SERBP1: variants seen among roughly 807,000 people sequenced by gnomAD.
The protein encoded by SERBP1 is SERPINE1 mRNA-binding protein 1.
SERBP1 carries 6 observed loss-of-function variants against 50.2 expected under a neutral mutation model. That is an observed-to-expected ratio of 0.12 (90% CI 0.07 to 0.24). SERBP1 has a LOEUF of 0.24. Ranked by LOEUF, SERBP1 falls within the 10% of genes least tolerant of loss-of-function variation. SERBP1 has a pLI of 1.00. For missense variants in SERBP1, 346 were observed against 524.9 expected, an observed-to-expected ratio of 0.66 and a Z score of 3.33; for synonymous variants, 168 against 182.8, an observed-to-expected ratio of 0.92 and a Z score of 0.65.
rs1023716297 is a variant in SERBP1 at position 67,407,840 on chromosome 1, C to T, written c.*5367G>A. Reference sequence around the variant, plus strand: ...AAAATAAAACAAAAATTTACTTGGACGTTATTCATTGGCTAATAGAACATT... The same window carrying T: ...AAAATAAAACAAAAATTTACTTGGATGTTATTCATTGGCTAATAGAACATT... On this transcript the variant is annotated 3_prime_UTR_variant, in exon 8 of 8. Coordinates refer to ENST00000361219, the MANE Select transcript of SERBP1 (RefSeq NM_001018069.2). 34 of 152,284 alleles carry T rather than the reference C, an allele frequency of 2.2e-4. No homozygotes were observed. Among genetic ancestry groups the T allele is most frequent in the Admixed American group, 1.8e-3 (27 of 15,290 alleles). The allele number at this position is 152,284 out of a possible 1,614,324, so 9.4% of individuals were successfully genotyped here. A position where few individuals can be genotyped will look rare whatever the true frequency, so the allele number is the denominator to read the frequency against.
In SERBP1 at chr1:67,426,232, T is replaced by C. The variant is rs753748181; in HGVS notation, c.367A>G (p.Ile123Val). The C allele has an allele frequency of 3.1e-6, 5 of 1,609,840 alleles. No individual in the cohort carries two copies. The Admixed American group carries it at 8.4e-5, about 27-fold the overall frequency. ...CGCCTTTCTGGTCTTCTATCAATTA[T>C]TTTCCCTTCACCCTGAAGTTGTTGA... ...PDQQLQGEGKIIDRRPERRPP... is the reference protein window; with the variant it reads ...PDQQLQGEGKVIDRRPERRPP... Residue 123 changes from isoleucine (I) to valine (V), a missense_variant, in exon 2 of 8, where the codon ATA (isoleucine) becomes GTA (valine). Coordinates refer to ENST00000361219, the MANE Select transcript of SERBP1 (RefSeq NM_001018069.2).
At position 67,429,867 on chromosome 1, in the gene SERBP1, T is replaced by C. The variant is rs1667512048; in HGVS notation, c.313+121A>G. 3.6e-6 allele frequency: 4 copies of C among 1,103,000 alleles called. No homozygotes were observed. The East Asian group carries it at 7.6e-5, about 21-fold the overall frequency. 68.3% of individuals were successfully genotyped at this position (1,103,000 alleles called of 1,614,324 possible). Reference sequence around the variant, plus strand: ...CGGACTTTTGTCGCGTGAAGAAACGTGAGGATATAGGCGGCAAAGTCTCCC... The same window carrying C: ...CGGACTTTTGTCGCGTGAAGAAACGCGAGGATATAGGCGGCAAAGTCTCCC... On this transcript the variant is annotated intron_variant, in intron 1 of 7. Coordinates refer to ENST00000361219, the MANE Select transcript of SERBP1 (RefSeq NM_001018069.2).
At chr1:67,415,458 A>G (rs1666974719) in intron 6 of SERBP1, 119 bp from the exon 7 acceptor site, 1 of 911,948 alleles carries the variant, frequency 1.1e-6, no homozygotes, top group African/African-American at 1.7e-5. Flanking sequence ...TCTGTGAACA[A>G]ATGTCTCAAT....
intron 1 of SERBP1, among the ~76,000 whole-genome samples, chr1:67,427,354 T>A (rs1306293009): frequency 6.6e-6 from 1 of 152,184 alleles, no homozygotes; most frequent in Non-Finnish European, 1.5e-5. Flanking sequence ...TTAATGACTT[T>A]AAGATTGTTG....
intron 6 of SERBP1, among the ~76,000 whole-genome samples, chr1:67,416,011 C>CTT (rs376512995): frequency 0.019 from 2,379 of 125,268 alleles, 44 homozygotes; most frequent in Non-Finnish European, 0.024. Flanking sequence ...TCACAGGAAC[C>CTT]TTTTTTTTTT....
chr1:67,408,965 TA>T lies in SERBP1; in HGVS notation c.*4241del, dbSNP rs1238968287. ...TAATTTGTACCTAGAACTAAACTTT[TA>T]TTTTTCAGACAGTGTGTCACCCAGA... On this transcript the variant is annotated 3_prime_UTR_variant, in exon 8 of 8. Coordinates refer to ENST00000361219, the MANE Select transcript of SERBP1 (RefSeq NM_001018069.2). 3 of 152,098 alleles carry T rather than the reference TA, an allele frequency of 2.0e-5. No homozygotes were observed. In the East Asian group the frequency reaches 5.8e-4, roughly 30 times the overall value. 9.4% of individuals were successfully genotyped at this position (152,098 alleles called of 1,614,324 possible). A position where few individuals can be genotyped will look rare whatever the true frequency, so the allele number is the denominator to read the frequency against.
chr1:67,419,886 C>A, intron 6 of SERBP1, 123 bp downstream of exon 6: 1 of 773,490 alleles, frequency 1.3e-6, no homozygotes, highest in South Asian at 1.8e-5. Context: ...AATTATCTGC[C>A]CCAAATGATC....
At chr1:67,424,759 A>G (rs1466033680) in intron 4 of SERBP1, 129 bp downstream of exon 4, 6 of 722,990 alleles carry the variant, frequency 8.3e-6, no homozygotes, top group Non-Finnish European at 1.4e-5. Flanking sequence ...CCCATAAGAC[A>G]TTATCTTGTA....
rs1334602958 is a variant in SERBP1 at position 67,408,961 on chromosome 1, C to T, written c.*4246G>A. On this transcript the variant is annotated 3_prime_UTR_variant, in exon 8 of 8. Coordinates refer to ENST00000361219, the MANE Select transcript of SERBP1 (RefSeq NM_001018069.2). ...CACTTAATTTGTACCTAGAACTAAA[C>T]TTTTATTTTTCAGACAGTGTGTCAC... 6.6e-6 allele frequency: 1 copy of T among 152,022 alleles called. No homozygotes were observed. The highest frequency in any genetic ancestry group is 1.5e-5 in the Non-Finnish European group (1 of 68,008). The allele number at this position is 152,022 out of a possible 1,614,324, so 9.4% of individuals were successfully genotyped here.
intron 5 of SERBP1, among the ~76,000 whole-genome samples, chr1:67,423,143 T>C (rs1026289074): frequency 7.0e-6 from 1 of 143,370 alleles, no homozygotes; most frequent in South Asian, 2.2e-4. Flanking sequence ...CTAAAAAATA[T>C]AAAAAATTAG....
In SERBP1 at chr1:67,415,172, G is replaced by C. The variant is rs762945847; in HGVS notation, c.1119C>G (p.Thr373=). The change falls in exon 7 of 8, where the codon ACC becomes ACG. Residue 373 remains threonine (T), a synonymous_variant. Transcript: ENST00000361219. The part of the protein sequence containing the change: ...RGGRPNRGSR[T]DKSSASAPDV... ...AAAGAAAGTCTTAAATTACCTTGTC[G>C]GTCCTGCTGCCACGGTTTGGGCGCC... 4 of 1,580,554 alleles carry C rather than the reference G, an allele frequency of 2.5e-6. No homozygotes were observed. The highest frequency in any genetic ancestry group is 3.4e-6 in the Non-Finnish European group (4 of 1,166,984).
At chr1:67,429,527 C>G (rs1667495552) in intron 1 of SERBP1, 1 of 154,390 alleles carries the variant, frequency 6.5e-6, no homozygotes. Context: ...GACGGCAGGA[C>G]AGGAGCCTGA....
At chr1:67,424,544 C>G in intron 4 of SERBP1, 2 of 497,406 alleles carry the variant, frequency 4.0e-6, no homozygotes, top group Non-Finnish European at 7.0e-6. Context: ...TGAAGCTTTA[C>G]TAGCTTATCA....
intron 6 of SERBP1, among the ~76,000 whole-genome samples, chr1:67,418,120 C>T (rs1208835279): frequency 6.6e-6 from 1 of 151,614 alleles, no homozygotes; most frequent in African/African-American, 2.4e-5. Context: ...GGATTACAGG[C>T]ATGCACCACC....
In SERBP1 at chr1:67,409,432, C is replaced by CACACACA. The variant is rs1169640781; in HGVS notation, c.*3774_*3775insTGTGTGT. On this transcript the variant is annotated 3_prime_UTR_variant, in exon 8 of 8. Coordinates refer to ENST00000361219, the MANE Select transcript of SERBP1 (RefSeq NM_001018069.2). ...ACACACACACACACCCCCACACACA[C>CACACACA]CAGGTCACAGGCTGAACTTTGCTGA... 1 of 148,196 alleles carries CACACACA rather than the reference C, an allele frequency of 6.7e-6. No individual in the cohort carries two copies. The highest frequency in any genetic ancestry group is 1.5e-5 in the Non-Finnish European group (1 of 67,486). The allele number at this position is 148,196 out of a possible 1,614,324, so 9.2% of individuals were successfully genotyped here.
At chr1:67,425,827 C>T (rs981937633) in intron 2 of SERBP1, among the ~76,000 whole-genome samples, 5 of 152,188 alleles carry the variant, frequency 3.3e-5, no homozygotes, top group Admixed American at 3.3e-4. Flanking sequence ...TAAAATGTGA[C>T]TCTATAAAGT....
chr1:67,426,395 G>A, intron 1 of SERBP1, 110 bp from the exon 2 acceptor site: 2 of 1,147,040 alleles, frequency 1.7e-6, no homozygotes, highest in Non-Finnish European at 2.4e-6. Context: ...TTTCCTGTTG[G>A]AAAAAAGCAA....
In SERBP1 at chr1:67,423,711, T is replaced by C. The variant is rs139158592; in HGVS notation, c.773+489A>G. Among the ~76,000 whole-genome samples, 551 of 152,268 alleles carry C rather than the reference T, an allele frequency of 3.6e-3. 3 individuals are homozygous for C. Among genetic ancestry groups the C allele is most frequent in the Middle Eastern group, 0.01 (3 of 294 alleles). On this transcript the variant is annotated intron_variant, in intron 5 of 7. Transcript: ENST00000361219. ...GTAATGCTATGTTCCAAATTCTACA[T>C]TGGAAATAACTTCAAGATAGAACTA...
At chr1:67,428,530 C>A (rs1277055604) in intron 1 of SERBP1, among the ~76,000 whole-genome samples, 1 of 152,146 alleles carries the variant, frequency 6.6e-6, no homozygotes, top group African/African-American at 2.4e-5. Context: ...TTACTTAACA[C>A]ACGAATTAAA....
Sources: allele counts gnomAD v4.1 joint callset (sites outside exome capture counted in the v4.1 genomes callset), GRCh38; gene constraint gnomAD v4.1.1; transcripts MANE v1.5; gene names NCBI Gene and HGNC (gene_info 2026-07-23, HGNC 2026-07-21).